The following PLCB1 variants were observed in gnomAD, a reference collection of about 807,000 sequenced individuals.
PLCB1 encodes phospholipase C beta 1.
Under a neutral mutation model 161.8 loss-of-function variants are expected in PLCB1, and 46 were observed. That is an observed-to-expected ratio of 0.28 (90% CI 0.22 to 0.36). The LOEUF (loss-of-function observed/expected upper bound fraction) is 0.36. Ranked by LOEUF, PLCB1 falls within the 10% of genes least tolerant of loss-of-function variation. The pLI is 1.00. For synonymous variants in PLCB1, 517 were observed against 503.7 expected (o/e 1.03, Z -0.35); for missense variants, 1,016 against 1,472.5 (o/e 0.69, Z 5.07).
intron 31 of PLCB1, among the ~76,000 whole-genome samples, chr20:8,825,583 G>A (rs973083614): frequency 6.6e-6 from 1 of 152,176 alleles, no homozygotes; most frequent in Non-Finnish European, 1.5e-5. Context: ...AATATACAAT[G>A]GAGCCAGAAA....
intron 3 of PLCB1, among the ~76,000 whole-genome samples, chr20:8,493,520 A>C (rs1983032707): frequency 6.6e-6 from 1 of 152,232 alleles, no homozygotes; most frequent in Non-Finnish European, 1.5e-5. Context: ...TGGAAAATTT[A>C]TTAAATCTCC....
chr20:8,809,007 AT>A (rs1787975702), intron 31 of PLCB1, among the ~76,000 whole-genome samples: 4 of 152,082 alleles, frequency 2.6e-5, no homozygotes, highest in Admixed American at 1.3e-4. Flanking sequence ...CACTTTTTAA[AT>A]TTTTTTTAAG....
At chr20:8,649,678 T>C in intron 7 of PLCB1, 1 of 529,334 alleles carries the variant, frequency 1.9e-6, no homozygotes, top group Non-Finnish European at 3.4e-6. Flanking sequence ...CCTCACCATC[T>C]GATTCCCTGT....
chr20:8,229,445 A>G (rs1246729743), intron 2 of PLCB1, among the ~76,000 whole-genome samples: 1 of 152,198 alleles, frequency 6.6e-6, no homozygotes, highest in African/African-American at 2.4e-5. Context: ...ATATAGATCC[A>G]CAGTCCAATA....
intron 26 of PLCB1, among the ~76,000 whole-genome samples, chr20:8,769,248 CATAACATTT>C (rs1982540379): frequency 6.6e-6 from 1 of 151,856 alleles, no homozygotes; most frequent in African/African-American, 2.4e-5. Flanking sequence ...AACATCAACT[CATAACATTT>C]TTAAAATAAA....
intron 10 of PLCB1, among the ~76,000 whole-genome samples, chr20:8,694,214 T>C (rs2123420293): frequency 6.6e-6 from 1 of 152,326 alleles, no homozygotes; most frequent in East Asian, 1.9e-4. Flanking sequence ...TGAAAAATAT[T>C]TCCATAAATG....
chr20:8,188,634 A>G (rs1222147054), intron 2 of PLCB1, among the ~76,000 whole-genome samples: 1 of 152,076 alleles, frequency 6.6e-6, no homozygotes, highest in Non-Finnish European at 1.5e-5. Flanking sequence ...AAACTTCCAC[A>G]GTTCTTTTGG....
chr20:8,548,533 CTTTTCTTCTTTCT>C (rs1985654321), intron 3 of PLCB1, among the ~76,000 whole-genome samples: 1 of 150,900 alleles, frequency 6.6e-6, no homozygotes, highest in South Asian at 2.1e-4. Flanking sequence ...CTCTCTCTTT[CTTTTCTTCTTTCT>C]TTTTCTTCTA....
intron 20 of PLCB1, among the ~76,000 whole-genome samples, chr20:8,738,303 CA>C (rs1332379298): frequency 6.6e-6 from 1 of 152,196 alleles, no homozygotes; most frequent in African/African-American, 2.4e-5. Context: ...GTCCCACCAA[CA>C]GTGTAAAAGT....
chr20:8,297,459 A>G (rs1401854277), intron 2 of PLCB1, among the ~76,000 whole-genome samples: 1 of 152,172 alleles, frequency 6.6e-6, no homozygotes, highest in African/African-American at 2.4e-5. Flanking sequence ...AAATTAGTCA[A>G]TACAAAAGTA....
rs1421285413 is a variant in PLCB1, at chr20:8,684,957, G to A, written c.888G>A (p.Met296Ile). 1 of 1,613,798 alleles carries A rather than the reference G, an allele frequency of 6.2e-7. No individual in the cohort carries two copies. The highest frequency in any genetic ancestry group is 8.5e-7 in the Non-Finnish European group (1 of 1,179,860). ...GACAAATATCAGTGGATGGGTTCAT[G>A]CGCTATCTGAGTGGAGAAGAAAACG... is the stretch of plus-strand genomic sequence containing the variant. ...RKGQISVDGF[M>I]RYLSGEENGV... The change falls in exon 10 of 32, where the codon ATG becomes ATA. Residue 296 changes from methionine (M) to isoleucine (I), a missense_variant. Met to Ile is a conservative substitution (Grantham distance 10). Coordinates refer to ENST00000338037, the MANE Select transcript of PLCB1 (RefSeq NM_015192.4).
chr20:8,159,484 CCCCA>C (rs1436908710), intron 2 of PLCB1, among the ~76,000 whole-genome samples: 1 of 152,128 alleles, frequency 6.6e-6, no homozygotes, highest in Non-Finnish European at 1.5e-5. Context: ...GAGCCATTTT[CCCCA>C]TTGTCTTGAG....
chr20:8,186,985 T>A (rs2051912894), intron 2 of PLCB1, among the ~76,000 whole-genome samples: 1 of 152,116 alleles, frequency 6.6e-6, no homozygotes, highest in Non-Finnish European at 1.5e-5. Flanking sequence ...AATGGGGTGA[T>A]GGCTTTCAGA....
intron 1 of PLCB1, among the ~76,000 whole-genome samples, chr20:8,144,112 G>C (rs1600195465): frequency 6.6e-6 from 1 of 152,134 alleles, no homozygotes; most frequent in East Asian, 1.9e-4. Context: ...TATCCGGCCA[G>C]TTCACTGCCC....
rs1009939056 is a variant in PLCB1, at chr20:8,840,135, A to G, written c.3424-41487A>G. Among the ~76,000 whole-genome samples, 16 of 152,046 alleles carry G rather than the reference A, an allele frequency of 1.1e-4. 1 individual carries two copies. Among genetic ancestry groups the G allele is most frequent in the Non-Finnish European group, 2.2e-4 (15 of 68,016 alleles). On this transcript the variant is annotated intron_variant, in intron 31 of 31. Coordinates refer to ENST00000338037, the MANE Select transcript of PLCB1 (RefSeq NM_015192.4). Reference sequence around the variant, plus strand: ...TTCCTCAATGTTCTGTTCATATCACATAGAATCACTGAGAATTCTTCTCTG... The same window carrying G: ...TTCCTCAATGTTCTGTTCATATCACGTAGAATCACTGAGAATTCTTCTCTG...
intron 31 of PLCB1, among the ~76,000 whole-genome samples, chr20:8,815,776 T>G (rs1204821751): frequency 6.6e-6 from 1 of 152,204 alleles, no homozygotes. Context: ...ATAAAACAAT[T>G]GAAAACATAG....
intron 3 of PLCB1, among the ~76,000 whole-genome samples, chr20:8,499,455 A>G (rs985349069): frequency 4.6e-5 from 7 of 152,244 alleles, no homozygotes; most frequent in African/African-American, 1.4e-4. Context: ...AAAGTCAGAA[A>G]GATATACAGA....
rs182367499 is a variant in PLCB1, at chr20:8,780,963, A to G, written c.3111+6244A>G. Among the ~76,000 whole-genome samples, 5 of 152,370 alleles carry G rather than the reference A, an allele frequency of 3.3e-5. No individual in the cohort carries two copies. The East Asian group carries it at 7.7e-4, about 23-fold the overall frequency. ...AATACCTGAATTGACTAGGAAATCT[A>G]TATGCACTTCAAATATAAACAAGTA... is the stretch of plus-strand genomic sequence containing the variant. On this transcript the variant is annotated intron_variant, in intron 27 of 31. Coordinates refer to ENST00000338037, the MANE Select transcript of PLCB1 (RefSeq NM_015192.4).
intron 3 of PLCB1, among the ~76,000 whole-genome samples, chr20:8,577,429 C>T (rs1361072944): frequency 1.5e-5 from 2 of 133,342 alleles, no homozygotes; most frequent in Admixed American, 7.8e-5. Context: ...CAGAGCGAGA[C>T]CCTGTCTCAA....
Sources: gnomAD v4.1 joint callset for allele counts (sites outside exome capture counted in the v4.1 genomes callset) on GRCh38, gnomAD v4.1.1 for gene constraint, MANE v1.5 for transcripts, NCBI Gene and HGNC (gene_info 2026-07-23, HGNC 2026-07-21) for gene names.